ZMYM2: variants seen among roughly 807,000 people sequenced by gnomAD.
ZMYM2 encodes zinc finger MYM-type protein 2.
Under a neutral mutation model 162.8 loss-of-function variants are expected in ZMYM2, and 56 were observed. That is an observed-to-expected ratio of 0.34 (90% CI 0.28 to 0.43). The LOEUF (loss-of-function observed/expected upper bound fraction) is 0.43, where lower values mean the gene tolerates loss of function less well. ZMYM2 is among the 20% of genes least tolerant of loss of function. The probability of loss-of-function intolerance (pLI) is 1.00; values close to 1 mark genes in which losing one functional copy is unlikely to be tolerated. For missense variants in ZMYM2, 1,275 were observed against 1,621.8 expected, an observed-to-expected ratio of 0.79 and a Z score of 3.67; for synonymous variants, 510 against 541.6, an observed-to-expected ratio of 0.94 and a Z score of 0.81.
the ZMYM2 span, among the ~76,000 whole-genome samples, chr13:19,948,449 T>C: frequency 6.6e-6 from 1 of 152,100 alleles, no homozygotes; most frequent in Non-Finnish European, 1.5e-5. Flanking sequence ...TACCAAGCCA[T>C]GAAAGGACAC....
chr13:19,904,047 T>C, the ZMYM2 span, among the ~76,000 whole-genome samples: 1 of 151,954 alleles, frequency 6.6e-6, no homozygotes, highest in African/African-American at 2.4e-5. Context: ...AGAACATATG[T>C]TTAACAGATC....
At position 19,961,115 on chromosome 13, in the gene ZMYM2, G is replaced by GT. The variant is rs77856282; in HGVS notation, c.-11+1105dup. ...TATTGTATGCTAGCCCAATTCTAAG[G>GT]TTTTTTTTTTTTTTTTAAGTTTATT... On this transcript the variant is annotated intron_variant, in intron 2 of 24. Coordinates refer to ENST00000610343, the MANE Select transcript of ZMYM2 (RefSeq NM_197968.4). 6.5e-3 allele frequency among the ~76,000 whole-genome samples: 881 copies of GT among 134,568 alleles called. 1 individual carries two copies. The highest frequency in any genetic ancestry group is 8.6e-3 in the African/African-American group (315 of 36,818). The allele number at this position is 134,568 out of a possible 152,430, so 88.3% of individuals were successfully genotyped here. A position where few individuals can be genotyped will look rare whatever the true frequency, so the allele number is the denominator to read the frequency against.
chr13:20,015,281 A>C (rs1332661482), intron 6 of ZMYM2, among the ~76,000 whole-genome samples: 1 of 152,104 alleles, frequency 6.6e-6, no homozygotes, highest in Non-Finnish European at 1.5e-5. Flanking sequence ...TCCTTCTATT[A>C]CTGATTTCTA....
At position 20,003,271 on chromosome 13, in the gene ZMYM2, C is replaced by A. The variant is rs865910177; in HGVS notation, c.1133+136C>A. ...AGGTGGCATATGGATAAAAGGCTTC[C>A]TGTTTGGATGGCATTGGAGTTGATT... On this transcript the variant is annotated intron_variant, in intron 4 of 24. Coordinates refer to ENST00000610343, the MANE Select transcript of ZMYM2 (RefSeq NM_197968.4). The A allele has an allele frequency of 5.8e-5, 60 of 1,029,816 alleles. No individual in the cohort carries two copies. In the Middle Eastern group the frequency reaches 1.3e-3, roughly 22 times the overall value. The allele number at this position is 1,029,816 out of a possible 1,614,324, so 63.8% of individuals were successfully genotyped here.
upstream of ZMYM2, among the ~76,000 whole-genome samples, chr13:19,954,056 A>C (rs1160841370): frequency 6.6e-6 from 1 of 151,188 alleles, no homozygotes. Context: ...TGCATATCCC[A>C]GTGGTTGTCA....
At position 19,993,472 on chromosome 13, in the gene ZMYM2, A is replaced by G. The variant is rs1007242821; in HGVS notation, c.400A>G (p.Asn134Asp). The G allele has an allele frequency of 6.2e-6, 10 of 1,614,016 alleles. No individual in the cohort carries two copies. In the Admixed American group the frequency reaches 1.3e-4, roughly 22 times the overall value. Reference protein sequence around the residue: ...DMETNQGQEKNSSNFIERRPP... With the variant: ...DMETNQGQEKDSSNFIERRPP... ...GGAAACAAATCAAGGGCAAGAGAAA[A>G]ATTCCTCCAATTTTATTGAACGAAG... Residue 134 changes from asparagine (N) to aspartate (D), a missense_variant, in exon 3 of 25, where the codon AAT (asparagine) becomes GAT (aspartate). Coordinates refer to ENST00000610343, the MANE Select transcript of ZMYM2 (RefSeq NM_197968.4).
chr13:20,054,405 T>A (rs1437319914), intron 14 of ZMYM2, among the ~76,000 whole-genome samples: 1 of 152,262 alleles, frequency 6.6e-6, no homozygotes, highest in Non-Finnish European at 1.5e-5. Context: ...GCTCAGTGCC[T>A]GTTGCCAGGT....
chr13:19,997,383 C>T (rs554737572), intron 3 of ZMYM2, among the ~76,000 whole-genome samples: 1 of 152,236 alleles, frequency 6.6e-6, no homozygotes, highest in South Asian at 2.1e-4. Context: ...TACTCCCATG[C>T]CCCTAACGAT....
At chr13:19,997,694 C>A (rs1159934489) in intron 3 of ZMYM2, among the ~76,000 whole-genome samples, 1 of 152,018 alleles carries the variant, frequency 6.6e-6, no homozygotes, top group Non-Finnish European at 1.5e-5. Context: ...GCTATTTTTT[C>A]TTTCTTATAT....
intron 7 of ZMYM2, 180 bp from the exon 8 acceptor site, chr13:20,026,427 TGTTTG>T: frequency 2.1e-6 from 1 of 478,312 alleles, no homozygotes; most frequent in Non-Finnish European, 3.6e-6. Context: ...ATCATTGCTT[TGTTTG>T]GACCTTAGCA....
chr13:20,050,147 T>A (rs561680896), intron 12 of ZMYM2, among the ~76,000 whole-genome samples: 1 of 152,084 alleles, frequency 6.6e-6, no homozygotes, highest in African/African-American at 2.4e-5. Context: ...AGAGTTGTGA[T>A]ATTGCATCAC....
chr13:20,078,812 G>A (rs891938055), intron 21 of ZMYM2, among the ~76,000 whole-genome samples: 3 of 152,062 alleles, frequency 2.0e-5, no homozygotes, highest in Non-Finnish European at 4.4e-5. Flanking sequence ...ATTGGGTTAA[G>A]TAAAATATTA....
the ZMYM2 span, among the ~76,000 whole-genome samples, chr13:19,898,479 C>G: frequency 1.3e-5 from 2 of 152,124 alleles, no homozygotes; most frequent in Non-Finnish European, 2.9e-5. Context: ...GTGATCCACC[C>G]ACCTCAGCCT....
the ZMYM2 span, among the ~76,000 whole-genome samples, chr13:19,885,621 A>G: frequency 1.3e-5 from 2 of 151,964 alleles, no homozygotes; most frequent in Non-Finnish European, 2.9e-5. Flanking sequence ...GGGTGGATCA[A>G]TTGAGGTCAG....
At chr13:20,075,546 A>G (rs1303713759) in intron 21 of ZMYM2, among the ~76,000 whole-genome samples, 2 of 152,216 alleles carry the variant, frequency 1.3e-5, no homozygotes, top group East Asian at 3.8e-4. Flanking sequence ...AGGAAGAAGG[A>G]AAATGATAGG....
At chr13:19,948,595 G>A in the ZMYM2 span, among the ~76,000 whole-genome samples, 1 of 152,198 alleles carries the variant, frequency 6.6e-6, no homozygotes, top group African/African-American at 2.4e-5. Context: ...GTTACTACGG[G>A]TTATAGGGCA....
the ZMYM2 span, among the ~76,000 whole-genome samples, chr13:19,924,211 C>T: frequency 1.3e-5 from 2 of 152,176 alleles, no homozygotes; most frequent in African/African-American, 2.4e-5. Context: ...ATCACCACTC[C>T]ACTTTCTCTT....
At chr13:19,951,492 C>G in the ZMYM2 span, among the ~76,000 whole-genome samples, 2 of 143,702 alleles carry the variant, frequency 1.4e-5, no homozygotes, top group African/African-American at 5.2e-5. Context: ...GAGCTCGAGA[C>G]CAGCCTGGTC....
chr13:19,963,100 G>T (rs1328408390), intron 2 of ZMYM2, among the ~76,000 whole-genome samples: 1 of 151,884 alleles, frequency 6.6e-6, no homozygotes, highest in African/African-American at 2.4e-5. Context: ...CAACCTTCCA[G>T]AGTGCTGAGA....
Sources: allele counts gnomAD v4.1 joint callset (sites outside exome capture counted in the v4.1 genomes callset), GRCh38; gene constraint gnomAD v4.1.1; transcripts MANE v1.5; gene names NCBI Gene and HGNC (gene_info 2026-07-23, HGNC 2026-07-21).